Variants in ZNF43 observed in about 807,000 individuals in gnomAD.
The protein encoded by ZNF43 is zinc finger protein 39-like 1 (KOX 27).
Under a neutral mutation model 68.4 loss-of-function variants are expected in ZNF43, and 44 were observed. That is an observed-to-expected ratio of 0.64 (90% CI 0.51 to 0.83). The LOEUF (loss-of-function observed/expected upper bound fraction) is 0.83. ZNF43 is among the 40% of genes least tolerant of loss of function. The pLI, the probability that ZNF43 is intolerant of heterozygous loss-of-function variation, is 0.00. For missense variants in ZNF43, 896 were observed against 933.2 expected (o/e 0.96, Z 0.52); for synonymous variants, 308 against 307.8 (o/e 1.00, Z -0.01).
In ZNF43 at chr19:21,809,419, T is replaced by C. The variant is rs1393385493; in HGVS notation, c.618A>G (p.Lys206=). The C allele has an allele frequency of 6.2e-7, 1 of 1,613,616 alleles. No individual in the cohort carries two copies. Among genetic ancestry groups the C allele is most frequent in the Admixed American group, 1.7e-5 (1 of 59,938 alleles). ...HTRVNFCKCE[K]CGKAFNCPSI... ...AAGGGCAGTTAAAAGCTTTTCCACA[T>C]TTTTCACATTTGCAGAAATTCACTC... The change falls in exon 4 of 4, where the codon AAA becomes AAG. Residue 206 remains lysine (K), a synonymous_variant. Transcript: ENST00000354959.
Position 21,807,596 on chromosome 19 carries a change from A to G in ZNF43, c.*11T>C. On this transcript the variant is annotated 3_prime_UTR_variant, in exon 4 of 4. Coordinates refer to ENST00000354959, the MANE Select transcript of ZNF43 (RefSeq NM_003423.4). ...ATTCTTTACATTTCTAGAATTTCTC[A>G]CCAGTATAATTTATTTTATGTTTGA... 1 of 1,520,540 alleles carries G rather than the reference A, an allele frequency of 6.6e-7. No individual in the cohort carries two copies. The highest frequency in any genetic ancestry group is 8.8e-7 in the Non-Finnish European group (1 of 1,137,236). 94.2% of individuals were successfully genotyped at this position (1,520,540 alleles called of 1,614,324 possible).
rs765802448 is a variant in ZNF43 at position 21,817,893 on chromosome 19, G to A, written c.224C>T (p.Pro75Leu). The change falls in exon 3 of 4, where the codon CCC becomes CTC. Residue 75 changes from proline to leucine, a missense_variant. Pro to Leu is a moderately conservative substitution (Grantham distance 98). Coordinates refer to ENST00000354959, the MANE Select transcript of ZNF43 (RefSeq NM_003423.4). ...TCACTTTCACTCTCACCTACCTGGG[G>A]GTTTGGCTACCATTTCATGTCTCCT... ...PMRRHEMVAKPPVMCSHFTQD... is the reference protein window; with the variant it reads ...PMRRHEMVAKLPVMCSHFTQD... The A allele has an allele frequency of 6.2e-7, 1 of 1,612,546 alleles. No homozygotes were observed. Among genetic ancestry groups the A allele is most frequent in the South Asian group, 1.1e-5 (1 of 91,048 alleles).
In ZNF43 at chr19:21,810,145, G is replaced by C. The variant is rs1290269418; in HGVS notation, c.230-338C>G. Among the ~76,000 whole-genome samples, 3 of 152,086 alleles carry C rather than the reference G, an allele frequency of 2.0e-5. No homozygotes were observed. The East Asian group carries it at 5.8e-4, about 29-fold the overall frequency. On this transcript the variant is annotated intron_variant, in intron 3 of 3. Transcript: ENST00000354959. ...GTAAATTGCCAACTCCAATTATTTT[G>C]CATATAGCGGAATACCTGAGAGTGG...
At chr19:21,813,584 A>T (rs2037383847) in intron 3 of ZNF43, among the ~76,000 whole-genome samples, 1 of 152,182 alleles carries the variant, frequency 6.6e-6, no homozygotes, top group Admixed American at 6.5e-5. Flanking sequence ...ATATGACTCA[A>T]CTTATTTGAG....
Position 21,836,008 on chromosome 19 carries a change from T to C in ZNF43, c.3+28A>G, listed in dbSNP as rs778651065. On this transcript the variant is annotated intron_variant, in intron 1 of 3. Transcript: ENST00000354959. ...GAGTCACGCCACAGCCCCTTCCCCCTCTCGGGATGTCGGACCGGCACTCTC... is the reference window on the plus strand; with the variant it reads ...GAGTCACGCCACAGCCCCTTCCCCCCCTCGGGATGTCGGACCGGCACTCTC... 5.6e-5 allele frequency: 91 copies of C among 1,613,758 alleles called. 1 individual carries two copies. In the East Asian group the frequency reaches 2.0e-3, roughly 36 times the overall value.
At position 21,844,750 on chromosome 19, in the gene ZNF43, A is replaced by G. The variant is rs565848832; in HGVS notation, c.30+7155T>C. On this transcript the variant is annotated intron_variant, in intron 1 of 3. Coordinates refer to the ZNF43 transcript ENST00000357491. ...GTCTCTACTAAAAATACAAAAAACT[A>G]GCCAGGCATGGTGGCAGACACCTGT... is the stretch of plus-strand genomic sequence containing the variant. Among the ~76,000 whole-genome samples, 59 of 151,036 alleles carry G rather than the reference A, an allele frequency of 3.9e-4. No homozygotes were observed. In the South Asian group the frequency reaches 0.012, roughly 31 times the overall value.
chr19:21,809,624 A>G lies in ZNF43; in HGVS notation c.413T>C (p.Leu138Ser), dbSNP rs138273957. Residue 138 changes from leucine to serine, a missense_variant, in exon 4 of 4, where the codon TTG becomes TCG. By Grantham distance (145) the Leu-to-Ser change is moderately radical (BLOSUM62 -2). Coordinates refer to ENST00000354959, the MANE Select transcript of ZNF43 (RefSeq NM_003423.4). ...AAATATTTTGCTCTGGGTAGCTGGC[A>G]AACATTGGTTAAATCCATTATAACC... is the stretch of plus-strand genomic sequence containing the variant. ...RGGYNGFNQCLPATQSKIFLF... is the reference protein window; with the variant it reads ...RGGYNGFNQCSPATQSKIFLF... 1.5e-4 allele frequency: 237 copies of G among 1,612,048 alleles called. 1 individual carries two copies. The African/African-American group carries it at 2.8e-3, about 19-fold the overall frequency.
intron 1 of ZNF43, among the ~76,000 whole-genome samples, chr19:21,827,708 C>A (rs1455342768): frequency 7.0e-6 from 1 of 143,112 alleles, no homozygotes; most frequent in Non-Finnish European, 1.5e-5. Context: ...GTTTCCCAGG[C>A]TGGAGTGCAA....
chr19:21,843,579 C>T (rs1332163448), intron 1 of ZNF43, among the ~76,000 whole-genome samples: 1 of 152,134 alleles, frequency 6.6e-6, no homozygotes, highest in Non-Finnish European at 1.5e-5. Context: ...CACCTGAGGT[C>T]AGGAGTAGAG....
intron 3 of ZNF43, 103 bp downstream of exon 3, chr19:21,817,785 C>T: frequency 8.0e-7 from 1 of 1,244,746 alleles, no homozygotes; most frequent in Non-Finnish European, 1.1e-6. Flanking sequence ...AAACTCTTTC[C>T]TTTGGAACAC....
chr19:21,841,512 G>A (rs1169021616), intron 1 of ZNF43: 1 of 152,282 alleles, frequency 6.6e-6, no homozygotes, highest in African/African-American at 2.4e-5. Flanking sequence ...ACAGCACCTG[G>A]TTGCTGAACC....
chr19:21,834,423 T>C (rs1325757525), intron 1 of ZNF43, among the ~76,000 whole-genome samples: 1 of 152,004 alleles, frequency 6.6e-6, no homozygotes, highest in African/African-American at 2.4e-5. Context: ...AAGGGGATTA[T>C]TTTTTGCTTT....
intron 1 of ZNF43, chr19:21,851,345 T>C (rs1039097330): frequency 6.6e-6 from 1 of 151,984 alleles, no homozygotes; most frequent in Non-Finnish European, 1.5e-5. Flanking sequence ...CTGGCCAACA[T>C]GGTGAAACCC....
chr19:21,826,025 G>A (rs543568366), intron 1 of ZNF43, among the ~76,000 whole-genome samples: 1 of 152,054 alleles, frequency 6.6e-6, no homozygotes, highest in Non-Finnish European at 1.5e-5. Flanking sequence ...CTCCAGCCTG[G>A]GCAACAGAGC....
Position 21,808,592 on chromosome 19 carries a change from T to TAC in ZNF43, c.1443_1444dup (p.Tyr482CysfsTer50). 1 of 1,613,690 alleles carries TAC rather than the reference T, an allele frequency of 6.2e-7. No individual in the cohort carries two copies. Among genetic ancestry groups the TAC allele is most frequent in the Non-Finnish European group, 8.5e-7 (1 of 1,179,848 alleles). On this transcript the variant is annotated frameshift_variant, in exon 4 of 4. Transcript: ENST00000354959. LOFTEE classifies it high-confidence loss of function. ...AGCTTTGCCACATTCTTCACATTTG[T>TAC]ACGGTTTTTCTGCAGTATGAATTCT...
At chr19:21,834,306 CCA>C (rs1306274156) in intron 1 of ZNF43, among the ~76,000 whole-genome samples, 1 of 145,180 alleles carries the variant, frequency 6.9e-6, no homozygotes, top group Non-Finnish European at 1.5e-5. Context: ...TCACTGCACT[CCA>C]GACTGGGCAG....
At chr19:21,837,576 C>G (rs1967210848), upstream of ZNF43, among the ~76,000 whole-genome samples, 1 of 151,992 alleles carries the variant, frequency 6.6e-6, no homozygotes, top group Middle Eastern at 3.4e-3. Context: ...AGGTGCATGA[C>G]CCCATGCCCA....
chr19:21,825,195 T>C (rs1568367826), intron 1 of ZNF43, among the ~76,000 whole-genome samples: 1 of 152,068 alleles, frequency 6.6e-6, no homozygotes, highest in Non-Finnish European at 1.5e-5. Flanking sequence ...GATTGCACCA[T>C]TGTACTCCAG....
At chr19:21,831,730 A>G (rs750379514) in intron 1 of ZNF43, among the ~76,000 whole-genome samples, 11 of 152,198 alleles carry the variant, frequency 7.2e-5, no homozygotes, top group Non-Finnish European at 1.5e-4. Context: ...CACAAAAATC[A>G]GTAACATCTC....
Sources: gnomAD v4.1 joint callset for allele counts (sites outside exome capture counted in the v4.1 genomes callset) on GRCh38, gnomAD v4.1.1 for gene constraint, MANE v1.5 for transcripts, NCBI Gene and HGNC (gene_info 2026-07-23, HGNC 2026-07-21) for gene names.